Variants in TBC1D2 observed in about 807,000 individuals in gnomAD.
TBC1D2 encodes TBC1 domain family member 2A.
TBC1D2 carries 58 observed loss-of-function variants against 91.1 expected under a neutral mutation model. That is an observed-to-expected ratio of 0.64 (90% CI 0.52 to 0.79). The LOEUF is 0.79. TBC1D2 is among the 30% of genes least tolerant of loss of function. The probability of loss-of-function intolerance (pLI) is 0.00; values close to 1 mark genes in which losing one functional copy is unlikely to be tolerated. For missense variants in TBC1D2, 1,080 were observed against 1,208.3 expected (o/e 0.89, Z 1.57); for synonymous variants, 482 against 511.5 (o/e 0.94, Z 0.78).
intron 3 of TBC1D2, among the ~76,000 whole-genome samples, chr9:98,238,478 T>C (rs1337877476): frequency 1.5e-5 from 2 of 137,132 alleles, no homozygotes; most frequent in Non-Finnish European, 3.0e-5. Context: ...TTAGCTCTAA[T>C]AGTTTTTCCT....
chr9:98,254,318 G>A (rs974321663), intron 1 of TBC1D2, among the ~76,000 whole-genome samples: 1 of 152,178 alleles, frequency 6.6e-6, no homozygotes, highest in Non-Finnish European at 1.5e-5. Flanking sequence ...CCATCACCTT[G>A]TGTGTGCATG....
intron 6 of TBC1D2, among the ~76,000 whole-genome samples, chr9:98,216,233 G>A (rs1159950395): frequency 2.6e-5 from 4 of 152,208 alleles, no homozygotes; most frequent in African/African-American, 9.7e-5. Context: ...CCTGGCATGT[G>A]GCAAGTGCAA....
intron 1 of TBC1D2, among the ~76,000 whole-genome samples, chr9:98,252,288 G>A (rs1167267568): frequency 6.6e-6 from 1 of 152,218 alleles, no homozygotes; most frequent in African/African-American, 2.4e-5. Context: ...GCTGTGAGAG[G>A]GGGAGGTGCA....
chr9:98,199,523 C>T lies in TBC1D2; in HGVS notation c.2645G>A (p.Arg882His), dbSNP rs778876161. Residue 882 changes from arginine to histidine, a missense_variant, in exon 13 of 13, where the codon CGC becomes CAC. By Grantham distance (29) the Arg-to-His change is conservative (BLOSUM62 0). Coordinates refer to ENST00000465784, the MANE Select transcript of TBC1D2 (RefSeq NM_001267571.2). The part of the protein sequence containing the change: ...PFRMKQLRQL[R>H]MVHRERLEAE... ...CTCCAGCCGCTCCCGGTGGACCATG[C>T]GCAGCTGCCGCAGCTGTTTCATGCG... 2.4e-5 allele frequency: 38 copies of T among 1,614,136 alleles called. No homozygotes were observed. Among genetic ancestry groups the T allele is most frequent in the Admixed American group, 5.0e-5 (3 of 60,030 alleles).
chr9:98,230,723 A>C (rs1829346773), intron 4 of TBC1D2, among the ~76,000 whole-genome samples: 1 of 123,374 alleles, frequency 8.1e-6, no homozygotes, highest in East Asian at 2.2e-4. Context: ...ACTTGAAGTC[A>C]GGAGTTCGAG....
intron 7 of TBC1D2, among the ~76,000 whole-genome samples, chr9:98,211,255 G>A (rs1032121936): frequency 3.3e-5 from 5 of 152,212 alleles, no homozygotes; most frequent in Non-Finnish European, 5.9e-5. Flanking sequence ...CAGATGAGCG[G>A]ATGTGTATAA....
At chr9:98,227,280 G>A (rs1406180766) in intron 5 of TBC1D2, among the ~76,000 whole-genome samples, 1 of 152,244 alleles carries the variant, frequency 6.6e-6, no homozygotes, top group Non-Finnish European at 1.5e-5. Context: ...GCCATGAAAT[G>A]CAAGCTGTAA....
intron 9 of TBC1D2, among the ~76,000 whole-genome samples, chr9:98,206,700 T>C (rs1800010103): frequency 6.6e-6 from 1 of 152,146 alleles, no homozygotes; most frequent in Non-Finnish European, 1.5e-5. Context: ...AGCAGTTGGC[T>C]GGGTCAGCAT....
chr9:98,249,184 G>C (rs1477820819), intron 2 of TBC1D2, among the ~76,000 whole-genome samples: 1 of 152,188 alleles, frequency 6.6e-6, no homozygotes, highest in African/African-American at 2.4e-5. Context: ...TCTGGGAGGA[G>C]AGTGCAGGCT....
At chr9:98,238,410 A>AGTAT (rs1339441208) in intron 3 of TBC1D2, among the ~76,000 whole-genome samples, 1 of 137,220 alleles carries the variant, frequency 7.3e-6, no homozygotes, top group East Asian at 1.9e-4. Flanking sequence ...GGTGTATAGA[A>AGTAT]ATACAACTGA....
intron 1 of TBC1D2, among the ~76,000 whole-genome samples, chr9:98,252,740 A>G (rs977342016): frequency 6.6e-6 from 1 of 152,198 alleles, no homozygotes; most frequent in Non-Finnish European, 1.5e-5. Flanking sequence ...GGCTTCATAA[A>G]GAAGGCCTGA....
rs755952424 is a variant in TBC1D2, at chr9:98,221,097, C to T, written c.1110G>A (p.Ala370=). Residue 370 remains alanine, a synonymous_variant, in exon 6 of 13, where the codon GCG becomes GCA. Coordinates refer to ENST00000465784, the MANE Select transcript of TBC1D2 (RefSeq NM_001267571.2). ...GGGCCTCCACCCGCCGGCCCAGCTC[C>T]GCGATCTGCCGCACTTTGTGCCGCA... ...ELVRHKVRQI[A]ELGRRVEALE... is the part of the protein sequence containing the mutation. 15 of 1,605,404 alleles carry T rather than the reference C, an allele frequency of 9.3e-6. No individual in the cohort carries two copies. The highest frequency in any genetic ancestry group is 4.4e-5 in the South Asian group (4 of 90,232).
chr9:98,246,672 C>T (rs77825053), intron 2 of TBC1D2, among the ~76,000 whole-genome samples: 2,622 of 152,130 alleles, frequency 0.017, 69 homozygotes, highest in African/African-American at 0.06. Flanking sequence ...GTCTTTCCAA[C>T]CCAGGTCAGG....
chr9:98,203,470 G>C, intron 9 of TBC1D2, 62 bp from the exon 10 acceptor site: 1 of 1,595,202 alleles, frequency 6.3e-7, no homozygotes, highest in Non-Finnish European at 8.5e-7. Context: ...GGCAGCACAT[G>C]GCAGAGGTGG....
Position 98,231,457 on chromosome 9 carries a change from T to C in TBC1D2, c.781+1959A>G, listed in dbSNP as rs575008324. Among the ~76,000 whole-genome samples, 8 of 152,250 alleles carry C rather than the reference T, an allele frequency of 5.3e-5. No individual in the cohort carries two copies. In the East Asian group the frequency reaches 1.3e-3, roughly 26 times the overall value. On this transcript the variant is annotated intron_variant, in intron 4 of 12. Coordinates refer to ENST00000465784, the MANE Select transcript of TBC1D2 (RefSeq NM_001267571.2). Reference sequence around the variant, plus strand: ...TGATTACAACCACTGTTTAACACAGTGTAAACACCGTTTAACACAGTTTAA... The same window carrying C: ...TGATTACAACCACTGTTTAACACAGCGTAAACACCGTTTAACACAGTTTAA...
At chr9:98,215,503 C>T (rs867563110) in intron 6 of TBC1D2, among the ~76,000 whole-genome samples, 2 of 152,166 alleles carry the variant, frequency 1.3e-5, no homozygotes, top group Middle Eastern at 3.2e-3. Flanking sequence ...TGTGACCAAA[C>T]CCAGGTCTGT....
At chr9:98,209,954 G>A (rs978228022) in intron 8 of TBC1D2, among the ~76,000 whole-genome samples, 3 of 129,394 alleles carry the variant, frequency 2.3e-5, no homozygotes, top group African/African-American at 2.7e-5. Context: ...TCAGCCTTCC[G>A]AGTAGCTGGG....
rs374152353 is a variant in TBC1D2, at chr9:98,209,050, G to A, written c.1768C>T (p.His590Tyr). ...AKIQALESRS[H>Y]HLLGLEAVDR... ...ACAGCCTCGAGGCCCAGCAGGTGGT[G>A]GGATCGTGACTCCAATGCCTGGATC... The change falls in exon 9 of 13, where the codon CAC becomes TAC. Residue 590 changes from histidine (H) to tyrosine (Y), a missense_variant. His to Tyr is a moderately conservative substitution (Grantham distance 83). Coordinates refer to ENST00000465784, the MANE Select transcript of TBC1D2 (RefSeq NM_001267571.2). 4.7e-5 allele frequency: 76 copies of A among 1,614,202 alleles called. No homozygotes were observed. In the African/African-American group the frequency reaches 8.0e-4, roughly 17 times the overall value.
At chr9:98,224,833 A>G (rs1021288509) in intron 5 of TBC1D2, among the ~76,000 whole-genome samples, 1 of 152,122 alleles carries the variant, frequency 6.6e-6, no homozygotes, top group Non-Finnish European at 1.5e-5. Flanking sequence ...GGTGTATCTA[A>G]CGAGGTGACT....
Sources: gnomAD v4.1 joint callset for allele counts (sites outside exome capture counted in the v4.1 genomes callset) on GRCh38, gnomAD v4.1.1 for gene constraint, MANE v1.5 for transcripts, NCBI Gene and HGNC (gene_info 2026-07-23, HGNC 2026-07-21) for gene names.